The following GPHN variants were observed in gnomAD, a reference collection of about 807,000 sequenced individuals.
GPHN encodes the protein gephyrin.
A neutral mutation model predicts 95.5 loss-of-function variants in GPHN; 17 were observed. The ratio of observed to expected loss-of-function variants is 0.18; its 90% CI spans 0.12 to 0.27. The LOEUF is 0.27. Among genes scored for constraint, GPHN ranks in the 10% least tolerant of loss-of-function variants. The pLI, the probability that GPHN is intolerant of heterozygous loss-of-function variation, is 1.00. For synonymous variants in GPHN, 320 were observed against 322.5 expected (o/e 0.99, Z 0.08); for missense variants, 660 against 978.1 (o/e 0.67, Z 4.34).
chr14:67,359,933 C>T, the GPHN span: 13 of 561,242 alleles, frequency 2.3e-5, no homozygotes, highest in African/African-American at 2.3e-4. Flanking sequence ...GCGCGCGCAC[C>T]GCGGAACCAC....
At chr14:66,685,493 G>A (rs1486388556) in intron 2 of GPHN, among the ~76,000 whole-genome samples, 1 of 152,182 alleles carries the variant, frequency 6.6e-6, no homozygotes, top group Non-Finnish European at 1.5e-5. Flanking sequence ...GCATTTCTCT[G>A]ATGGCCAGTG....
intron 1 of GPHN, among the ~76,000 whole-genome samples, chr14:66,548,468 A>G (rs1018190876): frequency 1.3e-5 from 2 of 152,210 alleles, no homozygotes; most frequent in Non-Finnish European, 2.9e-5. Context: ...GGCGTGAGCC[A>G]TTGCACCCAG....
At chr14:67,523,322 C>CA in the GPHN span, among the ~76,000 whole-genome samples, 14,519 of 128,594 alleles carry the variant, frequency 0.11, 897 homozygotes, top group African/African-American at 0.2. Context: ...GACTCCATCT[C>CA]AAAAAAAAAA....
At chr14:66,774,612 G>A (rs2059315144) in intron 2 of GPHN, among the ~76,000 whole-genome samples, 1 of 151,930 alleles carries the variant, frequency 6.6e-6, no homozygotes, top group African/African-American at 2.4e-5. Flanking sequence ...CACTTATATT[G>A]TTTAATGACC....
chr14:66,712,081 T>C (rs1595652314), intron 2 of GPHN, among the ~76,000 whole-genome samples: 1 of 152,220 alleles, frequency 6.6e-6, no homozygotes, highest in East Asian at 1.9e-4. Context: ...AGTAGCATGA[T>C]TTATAATCCT....
chr14:67,642,606 G>C, the GPHN span, among the ~76,000 whole-genome samples: 3 of 152,030 alleles, frequency 2.0e-5, no homozygotes, highest in Non-Finnish European at 4.4e-5. Flanking sequence ...AGCAAGTTCA[G>C]AGGTATACTA....
Position 66,836,197 on chromosome 14 carries a change from A to G in GPHN, c.294+11631A>G, listed in dbSNP as rs1431812508. On this transcript the variant is annotated intron_variant, in intron 4 of 22. Transcript: ENST00000478722. ...ACACTACCTGACTTCAAACTATACT[A>G]CAAGGCTACAATAACCAAAACAGCG... 3.1e-5 allele frequency among the ~76,000 whole-genome samples: 4 copies of G among 130,820 alleles called. 1 individual carries two copies. The highest frequency in any genetic ancestry group is 4.7e-4 in the South Asian group (2 of 4,232). The allele number at this position is 130,820 out of a possible 152,430, so 85.8% of individuals were successfully genotyped here.
intron 3 of GPHN, among the ~76,000 whole-genome samples, chr14:66,804,658 G>A (rs2060478493): frequency 6.6e-6 from 1 of 152,168 alleles, no homozygotes; most frequent in Admixed American, 6.5e-5. Flanking sequence ...TACACACAGT[G>A]GGGGTGGCTT....
intron 4 of GPHN, among the ~76,000 whole-genome samples, chr14:66,845,819 C>CTGTGTGTG (rs367997271): frequency 0.012 from 1,764 of 143,366 alleles, 29 homozygotes; most frequent in African/African-American, 0.033. Context: ...ATACATGCCT[C>CTGTGTGTG]TGTGTGTGTG....
chr14:67,364,164 A>T, the GPHN span: 1 of 152,230 alleles, frequency 6.6e-6, no homozygotes, highest in Non-Finnish European at 1.5e-5. Context: ...TGTGAATTCA[A>T]GGAAAAAGAA....
At chr14:67,575,106 G>T in the GPHN span, among the ~76,000 whole-genome samples, 1 of 151,940 alleles carries the variant, frequency 6.6e-6, no homozygotes, top group Non-Finnish European at 1.5e-5. Flanking sequence ...CTGCCACCTA[G>T]CAAGTTCTTC....
chr14:67,490,068 C>T, the GPHN span, among the ~76,000 whole-genome samples: 1 of 152,286 alleles, frequency 6.6e-6, no homozygotes, highest in East Asian at 1.9e-4. Context: ...AAAATTTCTG[C>T]TGGATGGATG....
the GPHN span, chr14:67,254,277 T>C: frequency 6.6e-6 from 1 of 151,836 alleles, no homozygotes; most frequent in African/African-American, 2.4e-5. Context: ...AAGTTTTTGG[T>C]ACCAAGTGGG....
the GPHN span, among the ~76,000 whole-genome samples, chr14:67,512,537 G>C: frequency 6.6e-6 from 1 of 152,180 alleles, no homozygotes; most frequent in Non-Finnish European, 1.5e-5. Context: ...TAGGGAGATG[G>C]GGGAGGAGAA....
the GPHN span, among the ~76,000 whole-genome samples, chr14:67,369,184 G>T: frequency 5.3e-5 from 8 of 152,304 alleles, no homozygotes; most frequent in South Asian, 1.2e-3. Context: ...GATATAAAAA[G>T]ATATGCTATG....
intron 1 of GPHN, among the ~76,000 whole-genome samples, chr14:66,560,674 A>G (rs1486435225): frequency 6.6e-6 from 1 of 152,216 alleles, no homozygotes; most frequent in African/African-American, 2.4e-5. Flanking sequence ...ATATGCGATC[A>G]TGTCATCTGC....
the GPHN span, chr14:67,650,503 GT>G: frequency 1.7e-6 from 1 of 578,084 alleles, no homozygotes; most frequent in African/African-American, 1.9e-5. Context: ...ATCTTAAAAG[GT>G]TTCTTTTAAT....
At chr14:67,681,513 T>C in the GPHN span, among the ~76,000 whole-genome samples, 1 of 152,204 alleles carries the variant, frequency 6.6e-6, no homozygotes, top group Non-Finnish European at 1.5e-5. Flanking sequence ...CCGGGTGTGG[T>C]GGCTCATGCC....
chr14:66,514,311 C>T (rs2058154902), intron 1 of GPHN, among the ~76,000 whole-genome samples: 1 of 151,848 alleles, frequency 6.6e-6, no homozygotes, highest in Non-Finnish European at 1.5e-5. Flanking sequence ...CGTCATTCTT[C>T]TGCGTTATTG....
Sources: allele counts gnomAD v4.1 joint callset (sites outside exome capture counted in the v4.1 genomes callset), GRCh38; gene constraint gnomAD v4.1.1; transcripts MANE v1.5; gene names NCBI Gene and HGNC (gene_info 2026-07-23, HGNC 2026-07-21).